The following SLC15A5 variants were observed in gnomAD, a reference collection of about 807,000 sequenced individuals.
The protein encoded by SLC15A5 is solute carrier family 15 member 5, also known as Peptide/histidine transporter ENSP00000340402.
Under a neutral mutation model 56.1 loss-of-function variants are expected in SLC15A5, and 58 were observed. That is an observed-to-expected ratio of 1.03 (90% confidence interval 0.84 to 1.29). SLC15A5 has a LOEUF of 1.29. Among genes scored for constraint, SLC15A5 ranks in the 50% most tolerant of loss-of-function variants. The probability of loss-of-function intolerance (pLI) is 0.00; values close to 1 mark genes in which losing one functional copy is unlikely to be tolerated. For synonymous variants in SLC15A5, 264 were observed against 250.5 expected (o/e 1.05, Z -0.51); for missense variants, 681 against 672.1 (o/e 1.01, Z -0.15).
chr12:16,217,763 A>G (rs1864144635), intron 6 of SLC15A5, among the ~76,000 whole-genome samples: 2 of 152,076 alleles, frequency 1.3e-5, no homozygotes, highest in South Asian at 2.1e-4. Context: ...CTTAATATGC[A>G]TTATCTCATT....
intron 2 of SLC15A5, among the ~76,000 whole-genome samples, chr12:16,267,734 T>TC (rs1864710994): frequency 1.1e-4 from 1 of 9,334 alleles, no homozygotes; most frequent in Non-Finnish European, 1.8e-4. Context: ...ACCCCCCACC[T>TC]TTTTTTTTTT....
At chr12:16,197,243 T>G (rs1184740718) in intron 7 of SLC15A5, among the ~76,000 whole-genome samples, 2 of 152,144 alleles carry the variant, frequency 1.3e-5, no homozygotes, top group Middle Eastern at 3.2e-3. Context: ...TTTCCATATT[T>G]AGATTCATTT....
At chr12:16,205,565 A>ATATATAT (rs1565657565) in intron 7 of SLC15A5, among the ~76,000 whole-genome samples, 2 of 6,770 alleles carry the variant, frequency 3.0e-4, no homozygotes, top group Non-Finnish European at 6.8e-4. Flanking sequence ...TATATTCCAT[A>ATATATAT]AGAAGGGAAA....
At chr12:16,230,904 C>A (rs1864290811) in intron 5 of SLC15A5, among the ~76,000 whole-genome samples, 1 of 146,784 alleles carries the variant, frequency 6.8e-6, no homozygotes. Flanking sequence ...GCCTAGGCTG[C>A]AGAGCAAGAC....
At chr12:16,213,168 G>A (rs1027999160) in intron 7 of SLC15A5, among the ~76,000 whole-genome samples, 6 of 152,198 alleles carry the variant, frequency 3.9e-5, no homozygotes, top group South Asian at 2.1e-4. Context: ...GGATGGAGGC[G>A]CTTTGATAGA....
Position 16,239,639 on chromosome 12 carries a change from A to C in SLC15A5, c.1162+42T>G, listed in dbSNP as rs979249861. ...ATCTTAGCAGAATGTTGTTTTAAAA[A>C]AGTTTCAAACGATTCGCATGAAATG... On this transcript the variant is annotated intron_variant, in intron 5 of 8. Transcript: ENST00000344941. 13 of 1,509,826 alleles carry C rather than the reference A, an allele frequency of 8.6e-6. No homozygotes were observed. The African/African-American group carries it at 1.7e-4, about 19-fold the overall frequency. The allele number at this position is 1,509,826 out of a possible 1,614,324, so 93.5% of individuals were successfully genotyped here.
At position 16,267,604 on chromosome 12, in the gene SLC15A5, TCTCTCCCAAG is replaced by T. The variant is rs570098367; in HGVS notation, c.584+4947_584+4956del. Among the ~76,000 whole-genome samples, 1,123 of 112,976 alleles carry T rather than the reference TCTCTCCCAAG, an allele frequency of 9.9e-3. 322 individuals carry two copies. Among genetic ancestry groups the T allele is most frequent in the African/African-American group, 0.036 (1,039 of 28,810 alleles). The allele number at this position is 112,976 out of a possible 152,430, so 74.1% of individuals were successfully genotyped here. On this transcript the variant is annotated intron_variant, in intron 2 of 8. Transcript: ENST00000344941. Reference sequence around the variant, plus strand: ...AAAAATTTGGGGGACTGCTTTACTCTCTCTCCCAAGCTCTCCCTACCTCTCTTACTCTTTA... The same window carrying T: ...AAAAATTTGGGGGACTGCTTTACTCTCTCTCCCTACCTCTCTTACTCTTTA...
chr12:16,189,700 A>G lies in SLC15A5; in HGVS notation c.1708T>C (p.Ser570Pro). Residue 570 changes from serine to proline, a missense_variant, in exon 9 of 9, where the codon TCA (serine) becomes CCA (proline). Physicochemically the swap from Ser to Pro is moderately conservative, Grantham distance 74. Coordinates refer to ENST00000344941, the MANE Select transcript of SLC15A5 (RefSeq NM_001170798.1). ...GCTGTCTCCCAAAGATCAATACTTGAAGAAAATTCCTGTATACTGCCATAA... is the reference window on the plus strand; with the variant it reads ...GCTGTCTCCCAAAGATCAATACTTGGAGAAAATTCCTGTATACTGCCATAA... Reference protein sequence around the residue: ...KFYGSIQEFSSSIDLWETAL With the variant: ...KFYGSIQEFSPSIDLWETAL The G allele has an allele frequency of 1.3e-6, 2 of 1,525,992 alleles. No homozygotes were observed. Among genetic ancestry groups the G allele is most frequent in the Non-Finnish European group, 1.8e-6 (2 of 1,141,978 alleles). The allele number at this position is 1,525,992 out of a possible 1,614,324, so 94.5% of individuals were successfully genotyped here.
intron 4 of SLC15A5, among the ~76,000 whole-genome samples, chr12:16,242,270 C>G (rs1329115205): frequency 2.0e-5 from 3 of 147,940 alleles, no homozygotes; most frequent in African/African-American, 5.0e-5. Context: ...TTGGAAATTC[C>G]TCTGCCTCCC....
Position 16,189,547 on chromosome 12 carries a change from A to G in SLC15A5, c.*121T>C, listed in dbSNP as rs1205282374. On this transcript the variant is annotated 3_prime_UTR_variant, in exon 9 of 9. Transcript: ENST00000344941. Reference sequence around the variant, plus strand: ...TAGTCTTTGTAAATAAAGTATACAGATGATATTTGTAAAATCACCTCTGTA... The same window carrying G: ...TAGTCTTTGTAAATAAAGTATACAGGTGATATTTGTAAAATCACCTCTGTA... 1 of 786,500 alleles carries G rather than the reference A, an allele frequency of 1.3e-6. No homozygotes were observed. The highest frequency in any genetic ancestry group is 4.0e-5 in the Admixed American group (1 of 24,956). 48.7% of individuals were successfully genotyped at this position (786,500 alleles called of 1,614,324 possible). A position where few individuals can be genotyped will look rare whatever the true frequency, so the allele number is the denominator to read the frequency against.
At chr12:16,263,793 A>T (rs1204541186) in intron 2 of SLC15A5, among the ~76,000 whole-genome samples, 1 of 152,186 alleles carries the variant, frequency 6.6e-6, no homozygotes, top group Non-Finnish European at 1.5e-5. Context: ...CAGAGGATGG[A>T]AACCCCAAGC....
intron 2 of SLC15A5, among the ~76,000 whole-genome samples, 198 bp from the exon 3 acceptor site, chr12:16,258,068 TTA>T (rs375099638): frequency 2.6e-5 from 4 of 152,216 alleles, no homozygotes; most frequent in African/African-American, 9.6e-5. Context: ...TATCTTTGTT[TTA>T]TCCTTGTTTA....
chr12:16,277,151 G>C (rs199631428), intron 1 of SLC15A5, among the ~76,000 whole-genome samples, 174 bp downstream of exon 1: 1 of 116,354 alleles, frequency 8.6e-6, no homozygotes, highest in Admixed American at 9.0e-5. Context: ...CACACACACA[G>C]ACTTACTAGC....
chr12:16,230,656 G>A (rs1864287014), intron 5 of SLC15A5, among the ~76,000 whole-genome samples: 1 of 151,884 alleles, frequency 6.6e-6, no homozygotes, highest in South Asian at 2.1e-4. Context: ...GCTCACGCCT[G>A]TAATCCCAGC....
At position 16,189,717 on chromosome 12, in the gene SLC15A5, C is replaced by T. The variant is rs1208119685; in HGVS notation, c.1691G>A (p.Ser564Asn). ...LHEKSLKFYG[S>N]IQEFSSSIDL... The stretch of plus-strand genomic sequence containing the variant: ...AATACTTGAAGAAAATTCCTGTATA[C>T]TGCCATAAAATTTCAGAGATTTTTC... Residue 564 changes from serine (S) to asparagine (N), a missense_variant, in exon 9 of 9, where the codon AGT (serine) becomes AAT (asparagine). By Grantham distance (46) the Ser-to-Asn change is conservative. Coordinates refer to ENST00000344941, the MANE Select transcript of SLC15A5 (RefSeq NM_001170798.1). The T allele has an allele frequency of 1.3e-6, 2 of 1,530,850 alleles. No individual in the cohort carries two copies. The highest frequency in any genetic ancestry group is 1.7e-6 in the Non-Finnish European group (2 of 1,143,890). The allele number at this position is 1,530,850 out of a possible 1,614,324, so 94.8% of individuals were successfully genotyped here. A position where few individuals can be genotyped will look rare whatever the true frequency, so the allele number is the denominator to read the frequency against.
At chr12:16,224,670 A>G (rs1447042316) in intron 5 of SLC15A5, 68 bp from the exon 6 acceptor site, 1 of 1,390,132 alleles carries the variant, frequency 7.2e-7, no homozygotes, top group African/African-American at 1.5e-5. Flanking sequence ...AATAAGCCAT[A>G]ACATTTCTTA....
chr12:16,241,381 G>C (rs114918354), intron 4 of SLC15A5, among the ~76,000 whole-genome samples: 54 of 152,306 alleles, frequency 3.5e-4, no homozygotes, highest in African/African-American at 1.3e-3. Flanking sequence ...TATATATGGA[G>C]AATCAGTATT....
chr12:16,213,298 G>A (rs1425792106), intron 7 of SLC15A5, among the ~76,000 whole-genome samples: 2 of 152,074 alleles, frequency 1.3e-5, no homozygotes, highest in African/African-American at 2.4e-5. Context: ...TTAATCTTCA[G>A]AACAACGTAA....
intron 7 of SLC15A5, among the ~76,000 whole-genome samples, chr12:16,195,884 C>T (rs930840763): frequency 1.3e-5 from 2 of 152,062 alleles, no homozygotes; most frequent in Non-Finnish European, 2.9e-5. Flanking sequence ...ATGACTATTA[C>T]TATGGATCAG....
Sources: allele counts gnomAD v4.1 joint callset (sites outside exome capture counted in the v4.1 genomes callset), GRCh38; gene constraint gnomAD v4.1.1; transcripts MANE v1.5; gene names NCBI Gene and HGNC (gene_info 2026-07-23, HGNC 2026-07-21).